Variants in PLCB1 observed in about 807,000 individuals in gnomAD.
PLCB1 encodes phospholipase C beta 1.
In PLCB1, 46 loss-of-function variants were observed where a neutral mutation model predicts 161.8. The observed-to-expected ratio is 0.28, with a 90% CI of 0.22 to 0.36. PLCB1 has a LOEUF of 0.36. Ranked by LOEUF, PLCB1 falls within the 10% of genes least tolerant of loss-of-function variation. The pLI is 1.00. For missense variants in PLCB1, 1,016 were observed against 1,472.5 expected (o/e 0.69, Z 5.07); for synonymous variants, 517 against 503.7 (o/e 1.03, Z -0.35).
At chr20:8,172,488 T>C (rs750198029) in intron 2 of PLCB1, among the ~76,000 whole-genome samples, 3 of 152,260 alleles carry the variant, frequency 2.0e-5, no homozygotes, top group Admixed American at 6.5e-5. Context: ...GGGATTGGGA[T>C]CAGTAGTAGG....
At chr20:8,695,817 G>A (rs1050981880) in intron 10 of PLCB1, among the ~76,000 whole-genome samples, 1 of 152,156 alleles carries the variant, frequency 6.6e-6, no homozygotes, top group African/African-American at 2.4e-5. Flanking sequence ...TGTTGCAAGA[G>A]CTATTTATTA....
At chr20:8,135,486 C>T (rs1325955844) in intron 1 of PLCB1, among the ~76,000 whole-genome samples, 1 of 152,128 alleles carries the variant, frequency 6.6e-6, no homozygotes, top group Non-Finnish European at 1.5e-5. Flanking sequence ...TAGTCGAAAG[C>T]TTTAACATAG....
rs1555766816 is a variant in PLCB1, at chr20:8,523,492, C to CCATA, written c.247-104802_247-104801insCATA. Among the ~76,000 whole-genome samples, 12 of 61,850 alleles carry CCATA rather than the reference C, an allele frequency of 1.9e-4. 2 individuals are homozygous for CCATA. Among genetic ancestry groups the CCATA allele is most frequent in the African/African-American group, 6.9e-4 (10 of 14,526 alleles). 40.6% of individuals were successfully genotyped at this position (61,850 alleles called of 152,430 possible). A position where few individuals can be genotyped will look rare whatever the true frequency, so the allele number is the denominator to read the frequency against. ...TCTCTCTCTCTCTCTCTCTCTCTCT[C>CCATA]TCTCTATATATATATATATATATAT... On this transcript the variant is annotated intron_variant, in intron 3 of 31. Coordinates refer to ENST00000338037, the MANE Select transcript of PLCB1 (RefSeq NM_015192.4).
intron 11 of PLCB1, among the ~76,000 whole-genome samples, chr20:8,698,857 G>A (rs1990638261): frequency 6.6e-6 from 1 of 152,166 alleles, no homozygotes. Context: ...TCTTGTTAGT[G>A]AGAAATGAGG....
chr20:8,497,549 C>T (rs761288513), intron 3 of PLCB1, among the ~76,000 whole-genome samples: 18 of 152,126 alleles, frequency 1.2e-4, no homozygotes, highest in Non-Finnish European at 2.2e-4. Flanking sequence ...GAAGGCTGCT[C>T]ATAACAGTTA....
chr20:8,842,137 CAATAGTCT>C (rs1453770965), intron 31 of PLCB1, among the ~76,000 whole-genome samples: 4 of 152,154 alleles, frequency 2.6e-5, no homozygotes, highest in African/African-American at 9.7e-5. Flanking sequence ...CCATGCTTTG[CAATAGTCT>C]AAAAACCTGG....
rs546111603 is a variant in PLCB1, at chr20:8,203,087, A to ACG, written c.177+52717_177+52718insGC. ...AGCTCAGTCATTCTGGGTTGTATGC[A>ACG]CACACACGCGCACACACACACACAC... On this transcript the variant is annotated intron_variant, in intron 2 of 31. Transcript: ENST00000338037. 1.9e-3 allele frequency among the ~76,000 whole-genome samples: 253 copies of ACG among 133,904 alleles called. 2 individuals carry two copies. The highest frequency in any genetic ancestry group is 5.5e-3 in the African/African-American group (165 of 29,886). The allele number at this position is 133,904 out of a possible 152,430, so 87.8% of individuals were successfully genotyped here. A position where few individuals can be genotyped will look rare whatever the true frequency, so the allele number is the denominator to read the frequency against.
At chr20:8,858,100 A>G (rs1392566541) in intron 31 of PLCB1, among the ~76,000 whole-genome samples, 1 of 152,142 alleles carries the variant, frequency 6.6e-6, no homozygotes, top group Non-Finnish European at 1.5e-5. Context: ...TTTTTATTTA[A>G]TTTTTATTGT....
intron 2 of PLCB1, among the ~76,000 whole-genome samples, chr20:8,259,116 G>A (rs1303134034): frequency 6.6e-6 from 1 of 152,052 alleles, no homozygotes; most frequent in Non-Finnish European, 1.5e-5. Flanking sequence ...CTTTTTCACT[G>A]ATGAGTAATA....
chr20:8,459,055 T>C (rs1044632110), intron 3 of PLCB1, among the ~76,000 whole-genome samples: 3 of 152,242 alleles, frequency 2.0e-5, no homozygotes, highest in African/African-American at 7.2e-5. Context: ...GCAAAGTTTC[T>C]GAGGAATCTG....
At chr20:8,735,586 A>G (rs562447958) in intron 19 of PLCB1, among the ~76,000 whole-genome samples, 5 of 152,190 alleles carry the variant, frequency 3.3e-5, no homozygotes, top group African/African-American at 9.6e-5. Flanking sequence ...CTACCGTCCT[A>G]TGTTACTGAC....
chr20:8,797,214 GATA>G (rs1452541063), intron 31 of PLCB1, among the ~76,000 whole-genome samples: 1 of 151,916 alleles, frequency 6.6e-6, no homozygotes, highest in East Asian at 1.9e-4. Flanking sequence ...TTCTTTTGAT[GATA>G]ATTTATATTC....
chr20:8,565,021 T>C (rs929208458), intron 3 of PLCB1, among the ~76,000 whole-genome samples: 11 of 152,270 alleles, frequency 7.2e-5, no homozygotes, highest in African/African-American at 2.6e-4. Flanking sequence ...CATTCTACTA[T>C]AAAGACACAT....
At chr20:8,523,494 C>CCATATATATATATATATATATATATA (rs1555766825) in intron 3 of PLCB1, among the ~76,000 whole-genome samples, 1 of 49,584 alleles carries the variant, frequency 2.0e-5, no homozygotes, top group African/African-American at 8.0e-5. Context: ...CTCTCTCTCT[C>CCATATATATATATATATATATATATA]TCTATATATA....
chr20:8,261,955 G>A (rs979635745), intron 2 of PLCB1, among the ~76,000 whole-genome samples: 1 of 152,150 alleles, frequency 6.6e-6, no homozygotes, highest in Non-Finnish European at 1.5e-5. Context: ...AGACATCCAG[G>A]TAGCCCCACA....
intron 2 of PLCB1, among the ~76,000 whole-genome samples, chr20:8,218,286 G>A (rs767623768): frequency 3.9e-5 from 6 of 152,104 alleles, no homozygotes; most frequent in Non-Finnish European, 7.4e-5. Context: ...ATCTAAAGGC[G>A]CTTTGGCTCT....
intron 3 of PLCB1, among the ~76,000 whole-genome samples, chr20:8,525,427 T>C (rs1053127385): frequency 1.3e-5 from 2 of 152,180 alleles, no homozygotes; most frequent in Non-Finnish European, 2.9e-5. Context: ...ATATTCTAGT[T>C]AATTTGATTT....
intron 3 of PLCB1, among the ~76,000 whole-genome samples, chr20:8,620,840 G>T (rs2123196726): frequency 6.6e-6 from 1 of 151,338 alleles, no homozygotes; most frequent in Non-Finnish European, 1.5e-5. Flanking sequence ...CAGCATAGAT[G>T]ATGGATTTTC....
chr20:8,262,095 C>T (rs905271656), intron 2 of PLCB1, among the ~76,000 whole-genome samples: 1 of 151,990 alleles, frequency 6.6e-6, no homozygotes, highest in African/African-American at 2.4e-5. Flanking sequence ...CAGAGTCTTG[C>T]TCTGTCAGAG....
Sources: allele counts gnomAD v4.1 joint callset (sites outside exome capture counted in the v4.1 genomes callset), GRCh38; gene constraint gnomAD v4.1.1; transcripts MANE v1.5; gene names NCBI Gene and HGNC (gene_info 2026-07-23, HGNC 2026-07-21).